Variants in OR4K2 observed in about 807,000 individuals in gnomAD.
The protein encoded by OR4K2 is olfactory receptor 4K2.
OR4K2 carries 8 observed loss-of-function variants against 10.5 expected under a neutral mutation model. The ratio of observed to expected loss-of-function variants is 0.76; its 90% CI spans 0.45 to 1.37. OR4K2 has a LOEUF of 1.37. Ranked by LOEUF, OR4K2 falls within the 40% of genes most tolerant of loss-of-function variation. The pLI, the probability that OR4K2 is intolerant of heterozygous loss-of-function variation, is 0.00. For synonymous variants in OR4K2, 178 were observed against 133.6 expected (o/e 1.33, Z -2.29); for missense variants, 547 against 379.5 (o/e 1.44, Z -3.67).
rs943151447 is a variant in OR4K2, at chr14:19,875,913, C to T, written c.-245C>T. 4.3e-6 allele frequency: 1 copy of T among 231,372 alleles called. No homozygotes were observed. Among genetic ancestry groups the T allele is most frequent in the African/African-American group, 2.3e-5 (1 of 43,076 alleles). The allele number at this position is 231,372 out of a possible 1,614,324, so 14.3% of individuals were successfully genotyped here. On this transcript the variant is annotated 5_prime_UTR_variant, in exon 1 of 2. Transcript: ENST00000641885. The stretch of plus-strand genomic sequence containing the variant: ...ACACATTGTCAGCATAAAGTAAGTT[C>T]TTACTGTTATCGTTAGACTTACACA...
chr14:19,878,817 T>C lies in OR4K2; in HGVS notation c.*1605T>C, dbSNP rs1265181959. ...CAATTTAGGTTTTGAGTGTGAACTT[T>C]CTCTTGGTTGCAGTTATATGTACAA... On this transcript the variant is annotated 3_prime_UTR_variant, in exon 2 of 2. Transcript: ENST00000641885. 1.3e-5 allele frequency: 2 copies of C among 152,246 alleles called. No individual in the cohort carries two copies. The highest frequency in any genetic ancestry group is 2.4e-5 in the African/African-American group (1 of 41,464). 9.4% of individuals were successfully genotyped at this position (152,246 alleles called of 1,614,324 possible). A position where few individuals can be genotyped will look rare whatever the true frequency, so the allele number is the denominator to read the frequency against.
chr14:19,876,235 C>G lies in OR4K2; in HGVS notation c.-23-10C>G, dbSNP rs779531810. The G allele has an allele frequency of 6.2e-4, 243 of 391,568 alleles. No homozygotes were observed. The highest frequency in any genetic ancestry group is 7.9e-4 in the Non-Finnish European group (201 of 253,500). The allele number at this position is 391,568 out of a possible 1,614,324, so 24.3% of individuals were successfully genotyped here. A position where few individuals can be genotyped will look rare whatever the true frequency, so the allele number is the denominator to read the frequency against. ...TTTCCTTTTTTTTTTTTTTTTTTTT[C>G]GTGATACAGGCTTCTGCCTATGAAT... On this transcript the variant is annotated splice_polypyrimidine_tract_variant and intron_variant, in intron 1 of 1. Transcript: ENST00000641885.
In OR4K2 at chr14:19,878,699, A is replaced by T. The variant is rs933076810; in HGVS notation, c.*1487A>T. The T allele has an allele frequency of 6.6e-6, 1 of 152,236 alleles. No homozygotes were observed. The highest frequency in any genetic ancestry group is 2.4e-5 in the African/African-American group (1 of 41,472). The allele number at this position is 152,236 out of a possible 1,614,324, so 9.4% of individuals were successfully genotyped here. A position where few individuals can be genotyped will look rare whatever the true frequency, so the allele number is the denominator to read the frequency against. On this transcript the variant is annotated 3_prime_UTR_variant, in exon 2 of 2. Coordinates refer to ENST00000641885, the MANE Select transcript of OR4K2 (RefSeq NM_001005501.2). ...GCCTGAGCAGTTTTGAAATTATTAG[A>T]TAATAACGTCTACAGTATTAACATA... is the stretch of plus-strand genomic sequence containing the variant.
Position 19,878,674 on chromosome 14 carries a change from G to A in OR4K2, c.*1462G>A, listed in dbSNP as rs1594428274. On this transcript the variant is annotated 3_prime_UTR_variant, in exon 2 of 2. Transcript: ENST00000641885. ...GAAAGTCTGTGATACTGTGTTTAAA[G>A]CCTGAGCAGTTTTGAAATTATTAGA... The A allele has an allele frequency of 6.6e-6, 1 of 152,180 alleles. No individual in the cohort carries two copies. The highest frequency in any genetic ancestry group is 2.1e-4 in the South Asian group (1 of 4,832). 9.4% of individuals were successfully genotyped at this position (152,180 alleles called of 1,614,324 possible).
Position 19,877,409 on chromosome 14 carries a change from A to G in OR4K2, c.*197A>G. On this transcript the variant is annotated 3_prime_UTR_variant, in exon 2 of 2. Coordinates refer to ENST00000641885, the MANE Select transcript of OR4K2 (RefSeq NM_001005501.2). Reference sequence around the variant, plus strand: ...AGTTAAAAGAAATAAAGACTATAAAAATGTCAGGAGTGACAGTTCCAGTTA... The same window carrying G: ...AGTTAAAAGAAATAAAGACTATAAAGATGTCAGGAGTGACAGTTCCAGTTA... 1 of 497,520 alleles carries G rather than the reference A, an allele frequency of 2.0e-6. No individual in the cohort carries two copies. The highest frequency in any genetic ancestry group is 3.5e-6 in the Non-Finnish European group (1 of 281,766). 30.8% of individuals were successfully genotyped at this position (497,520 alleles called of 1,614,324 possible).
chr14:19,876,815 T>A lies in OR4K2; in HGVS notation c.548T>A (p.Val183Glu). ...EVDSFFCDLP[V>E]VFQLACVDTY... Reference sequence around the variant, plus strand: ...GACAGCTTTTTCTGTGACCTTCCTGTGGTGTTCCAGTTGGCTTGTGTGGAT... The same window carrying A: ...GACAGCTTTTTCTGTGACCTTCCTGAGGTGTTCCAGTTGGCTTGTGTGGAT... The change falls in exon 2 of 2, where the codon GTG becomes GAG. Residue 183 changes from valine to glutamate, a missense_variant. Physicochemically the swap from Val to Glu is moderately radical, Grantham distance 121 (BLOSUM62 -2). Transcript: ENST00000641885. The A allele has an allele frequency of 1.2e-6, 2 of 1,614,218 alleles. No individual in the cohort carries two copies. The highest frequency in any genetic ancestry group is 1.7e-6 in the Non-Finnish European group (2 of 1,180,010).
chr14:19,882,495 C>A lies in OR4K2; in HGVS notation c.*5283C>A, dbSNP rs1293921353. 1.3e-5 allele frequency: 2 copies of A among 152,192 alleles called. No individual in the cohort carries two copies. Among genetic ancestry groups the A allele is most frequent in the Non-Finnish European group, 2.9e-5 (2 of 68,048 alleles). The allele number at this position is 152,192 out of a possible 1,614,324, so 9.4% of individuals were successfully genotyped here. A position where few individuals can be genotyped will look rare whatever the true frequency, so the allele number is the denominator to read the frequency against. On this transcript the variant is annotated 3_prime_UTR_variant, in exon 2 of 2. Coordinates refer to ENST00000641885, the MANE Select transcript of OR4K2 (RefSeq NM_001005501.2). ...TGTAAAAGCAAGGTAAAGAAAAATACACAAACATGTTTAGCTTAATGAAAT... is the reference window on the plus strand; with the variant it reads ...TGTAAAAGCAAGGTAAAGAAAAATAAACAAACATGTTTAGCTTAATGAAAT...
chr14:19,880,603 C>T lies in OR4K2; in HGVS notation c.*3391C>T, dbSNP rs974130855. ...TATTAATTTGAAAAATTAAAAGTAA[C>T]TTCCACTAGAAAATTACACTGGTTC... is the stretch of plus-strand genomic sequence containing the variant. On this transcript the variant is annotated 3_prime_UTR_variant, in exon 2 of 2. Coordinates refer to ENST00000641885, the MANE Select transcript of OR4K2 (RefSeq NM_001005501.2). 5.3e-5 allele frequency: 8 copies of T among 152,332 alleles called. No individual in the cohort carries two copies. Among genetic ancestry groups the T allele is most frequent in the Non-Finnish European group, 8.8e-5 (6 of 68,034 alleles). 9.4% of individuals were successfully genotyped at this position (152,332 alleles called of 1,614,324 possible). A position where few individuals can be genotyped will look rare whatever the true frequency, so the allele number is the denominator to read the frequency against.
chr14:19,882,481 G>A lies in OR4K2; in HGVS notation c.*5269G>A, dbSNP rs558236394. The A allele has an allele frequency of 6.6e-6, 1 of 152,106 alleles. No homozygotes were observed. The highest frequency in any genetic ancestry group is 2.4e-5 in the African/African-American group (1 of 41,398). The allele number at this position is 152,106 out of a possible 1,614,324, so 9.4% of individuals were successfully genotyped here. ...CCTTTTTATTGCAGTGTAAAAGCAA[G>A]GTAAAGAAAAATACACAAACATGTT... On this transcript the variant is annotated 3_prime_UTR_variant, in exon 2 of 2. Coordinates refer to ENST00000641885, the MANE Select transcript of OR4K2 (RefSeq NM_001005501.2).
In OR4K2 at chr14:19,877,102, A is replaced by T. The variant is rs1880927313; in HGVS notation, c.835A>T (p.Thr279Ser). 3 of 1,608,612 alleles carry T rather than the reference A, an allele frequency of 1.9e-6. No homozygotes were observed. In the East Asian group the frequency reaches 6.7e-5, roughly 36 times the overall value. The change falls in exon 2 of 2, where the codon ACT becomes TCT. Residue 279 changes from threonine to serine, a missense_variant. Transcript: ENST00000641885. ...KILSVFYTIF[T>S]PTLNPIIYTL... The stretch of plus-strand genomic sequence containing the variant: ...TCTGTCTGTGTTTTATACCATCTTT[A>T]CTCCCACTCTGAACCCAATAATCTA...
chr14:19,883,432 A>T lies in OR4K2; in HGVS notation c.*6220A>T, dbSNP rs1336138133. On this transcript the variant is annotated 3_prime_UTR_variant, in exon 2 of 2. Coordinates refer to ENST00000641885, the MANE Select transcript of OR4K2 (RefSeq NM_001005501.2). ...TTTATGTACTGTAATTTCATTGGCTATTCCTTTATTTTCTTGATTATCTTA... is the reference window on the plus strand; with the variant it reads ...TTTATGTACTGTAATTTCATTGGCTTTTCCTTTATTTTCTTGATTATCTTA... 1 of 152,232 alleles carries T rather than the reference A, an allele frequency of 6.6e-6. No individual in the cohort carries two copies. The highest frequency in any genetic ancestry group is 1.5e-5 in the Non-Finnish European group (1 of 68,050). The allele number at this position is 152,232 out of a possible 1,614,324, so 9.4% of individuals were successfully genotyped here. A position where few individuals can be genotyped will look rare whatever the true frequency, so the allele number is the denominator to read the frequency against.
At position 19,875,911 on chromosome 14, in the gene OR4K2, T is replaced by C; in HGVS notation, c.-247T>C. ...TCACACATTGTCAGCATAAAGTAAG[T>C]TCTTACTGTTATCGTTAGACTTACA... On this transcript the variant is annotated 5_prime_UTR_variant, in exon 1 of 2. Coordinates refer to ENST00000641885, the MANE Select transcript of OR4K2 (RefSeq NM_001005501.2). The C allele has an allele frequency of 4.3e-6, 1 of 230,440 alleles. No individual in the cohort carries two copies. Among genetic ancestry groups the C allele is most frequent in the Middle Eastern group, 1.4e-3 (1 of 732 alleles). 14.3% of individuals were successfully genotyped at this position (230,440 alleles called of 1,614,324 possible).
Position 19,876,231 on chromosome 14 carries a change from T to C in OR4K2, c.-23-14T>C. ...TGACTTTCCTTTTTTTTTTTTTTTT[T>C]TTTCGTGATACAGGCTTCTGCCTAT... On this transcript the variant is annotated splice_polypyrimidine_tract_variant and intron_variant, in intron 1 of 1. Coordinates refer to ENST00000641885, the MANE Select transcript of OR4K2 (RefSeq NM_001005501.2). 8.8e-7 allele frequency: 1 copy of C among 1,139,314 alleles called. No individual in the cohort carries two copies. Among genetic ancestry groups the C allele is most frequent in the Non-Finnish European group, 1.2e-6 (1 of 842,574 alleles). 70.6% of individuals were successfully genotyped at this position (1,139,314 alleles called of 1,614,324 possible). A position where few individuals can be genotyped will look rare whatever the true frequency, so the allele number is the denominator to read the frequency against.
rs1284674958 is a variant in OR4K2, at chr14:19,880,951, TTA to T, written c.*3741_*3742del. 1 of 152,276 alleles carries T rather than the reference TTA, an allele frequency of 6.6e-6. No individual in the cohort carries two copies. Among genetic ancestry groups the T allele is most frequent in the Non-Finnish European group, 1.5e-5 (1 of 68,052 alleles). 9.4% of individuals were successfully genotyped at this position (152,276 alleles called of 1,614,324 possible). ...GGTTTAGGATAATGTGATCACTGGA[TTA>T]TGCTGCTATATAGAAGTTCTTGGTA... On this transcript the variant is annotated 3_prime_UTR_variant, in exon 2 of 2. Coordinates refer to ENST00000641885, the MANE Select transcript of OR4K2 (RefSeq NM_001005501.2).
In OR4K2 at chr14:19,877,160, T is replaced by A. The variant is rs1166986965; in HGVS notation, c.893T>A (p.Met298Lys). The A allele has an allele frequency of 2.5e-6, 4 of 1,599,662 alleles. No homozygotes were observed. Among genetic ancestry groups the A allele is most frequent in the South Asian group, 1.1e-5 (1 of 90,370 alleles). The stretch of plus-strand genomic sequence containing the variant: ...AGGAATCAAGAAGTAAAGATAGCCA[T>A]GAGGAAACTGAAAAATAGGTTTCTA... ...TLRNQEVKIAMRKLKNRFLNF... is the reference protein window; with the variant it reads ...TLRNQEVKIAKRKLKNRFLNF... Residue 298 changes from methionine (M) to lysine (K), a missense_variant, in exon 2 of 2, where the codon ATG (methionine) becomes AAG (lysine). Coordinates refer to ENST00000641885, the MANE Select transcript of OR4K2 (RefSeq NM_001005501.2).
In OR4K2 at chr14:19,879,884, C is replaced by T. The variant is rs978500469; in HGVS notation, c.*2672C>T. The T allele has an allele frequency of 3.9e-5, 6 of 152,246 alleles. No homozygotes were observed. The highest frequency in any genetic ancestry group is 2.1e-4 in the South Asian group (1 of 4,842). The allele number at this position is 152,246 out of a possible 1,614,324, so 9.4% of individuals were successfully genotyped here. On this transcript the variant is annotated 3_prime_UTR_variant, in exon 2 of 2. Coordinates refer to ENST00000641885, the MANE Select transcript of OR4K2 (RefSeq NM_001005501.2). ...AAGGCCCTAGAATGGAAACTAACAACCTTTTATTAGTTATTTCGATTTTTT... is the reference window on the plus strand; with the variant it reads ...AAGGCCCTAGAATGGAAACTAACAATCTTTTATTAGTTATTTCGATTTTTT...
In OR4K2 at chr14:19,883,618, G is replaced by A. The variant is rs933155876; in HGVS notation, c.*6406G>A. The A allele has an allele frequency of 5.3e-5, 8 of 152,270 alleles. No homozygotes were observed. The East Asian group carries it at 1.5e-3, about 29-fold the overall frequency. The allele number at this position is 152,270 out of a possible 1,614,324, so 9.4% of individuals were successfully genotyped here. On this transcript the variant is annotated 3_prime_UTR_variant, in exon 2 of 2. Coordinates refer to ENST00000641885, the MANE Select transcript of OR4K2 (RefSeq NM_001005501.2). ...AATCCTTCTGATATTTATATTAGTAGTTAAATAATTAAATAGTAGTTAAAG... is the reference window on the plus strand; with the variant it reads ...AATCCTTCTGATATTTATATTAGTAATTAAATAATTAAATAGTAGTTAAAG...
Position 19,875,680 on chromosome 14 carries a change from T to C in OR4K2, c.-478T>C, listed in dbSNP as rs530814223. On this transcript the variant is annotated 5_prime_UTR_variant, in exon 1 of 2. Coordinates refer to ENST00000641885, the MANE Select transcript of OR4K2 (RefSeq NM_001005501.2). ...AAAACTAACTTTCTATGTATTTCTT[T>C]TGAGTTTCAAACAGGAAACTTTATC... 1 of 152,578 alleles carries C rather than the reference T, an allele frequency of 6.6e-6. No individual in the cohort carries two copies. Among genetic ancestry groups the C allele is most frequent in the African/African-American group, 2.4e-5 (1 of 41,596 alleles). 9.5% of individuals were successfully genotyped at this position (152,578 alleles called of 1,614,324 possible). A position where few individuals can be genotyped will look rare whatever the true frequency, so the allele number is the denominator to read the frequency against.
At position 19,876,539 on chromosome 14, in the gene OR4K2, C is replaced by G; in HGVS notation, c.272C>G (p.Thr91Ser). The G allele has an allele frequency of 6.2e-7, 1 of 1,614,190 alleles. No individual in the cohort carries two copies. Among genetic ancestry groups the G allele is most frequent in the Non-Finnish European group, 8.5e-7 (1 of 1,180,002 alleles). The change falls in exon 2 of 2, where the codon ACC (threonine) becomes AGC (serine). Residue 91 changes from threonine (T) to serine (S), a missense_variant. Physicochemically the swap from Thr to Ser is moderately conservative, Grantham distance 58. Transcript: ENST00000641885. Reference sequence around the variant, plus strand: ...ACAGATTACCTAACAGGTCACAAAACCATCTCTTTTGATGGCTGCCTTACC... The same window carrying G: ...ACAGATTACCTAACAGGTCACAAAAGCATCTCTTTTGATGGCTGCCTTACC... ...MITDYLTGHK[T>S]ISFDGCLTQI...
Sources: gnomAD v4.1 joint callset for allele counts on GRCh38, gnomAD v4.1.1 for gene constraint, MANE v1.5 for transcripts, NCBI Gene and HGNC (gene_info 2026-07-23, HGNC 2026-07-21) for gene names.